The following TTLL4 variants were observed in gnomAD, a reference collection of about 807,000 sequenced individuals.
The protein encoded by TTLL4 is tubulin monoglutamylase TTLL4.
A neutral mutation model predicts 122.7 loss-of-function variants in TTLL4; 85 were observed. That is an observed-to-expected ratio of 0.69 (90% CI 0.58 to 0.83). TTLL4 has a LOEUF of 0.83. TTLL4 is among the 40% of genes least tolerant of loss of function. The pLI, the probability that TTLL4 is intolerant of heterozygous loss-of-function variation, is 0.00. For synonymous variants in TTLL4, 553 were observed against 563.0 expected, an observed-to-expected ratio of 0.98 and a Z score of 0.25; for missense variants, 1,363 against 1,488.6, an observed-to-expected ratio of 0.92 and a Z score of 1.39.
At chr2:218,716,793 GA>G (rs1181400310) in intron 1 of TTLL4, among the ~76,000 whole-genome samples, 1 of 149,168 alleles carries the variant, frequency 6.7e-6, no homozygotes, top group Non-Finnish European at 1.5e-5. Flanking sequence ...GTCTCAAAAA[GA>G]AAAAAAAAAT....
At chr2:218,728,259 A>G (rs1312084327) in intron 2 of TTLL4, among the ~76,000 whole-genome samples, 1 of 152,222 alleles carries the variant, frequency 6.6e-6, no homozygotes, top group East Asian at 1.9e-4. Flanking sequence ...AAATAATTAT[A>G]TAACTCACCA....
At chr2:218,715,594 A>G (rs1478537143) in intron 1 of TTLL4, among the ~76,000 whole-genome samples, 1 of 152,212 alleles carries the variant, frequency 6.6e-6, no homozygotes, top group South Asian at 2.1e-4. Flanking sequence ...ACATTGAAGC[A>G]TAGAAAAGGC....
At chr2:218,723,511 A>C (rs752180927) in intron 1 of TTLL4, among the ~76,000 whole-genome samples, 50 of 152,194 alleles carry the variant, frequency 3.3e-4, no homozygotes, top group Admixed American at 2.0e-3. Context: ...CTTGAGCCAG[A>C]GTTTACAAAT....
rs1942973259 is a variant in TTLL4 at position 218,750,016 on chromosome 2, T to C, written c.2743T>C (p.Ser915Pro). The change falls in exon 15 of 20, where the codon TCC becomes CCC. Residue 915 changes from serine to proline, a missense_variant. Around this residue, in one of 3 missense-constraint regions of TTLL4, gnomAD observed 596 missense variants for 655.8 expected, o/e 0.91. Transcript: ENST00000392102. ...LEVNISPSLH[S>P]SSPLDISIKG... Reference sequence around the variant, plus strand: ...TTTATCCTTTTTCTGAAGCCTCCACTCCAGCTCTCCACTGGATATCAGCAT... The same window carrying C: ...TTTATCCTTTTTCTGAAGCCTCCACCCCAGCTCTCCACTGGATATCAGCAT... 3 of 1,614,016 alleles carry C rather than the reference T, an allele frequency of 1.9e-6. No homozygotes were observed. The highest frequency in any genetic ancestry group is 1.7e-6 in the Non-Finnish European group (2 of 1,179,958).
chr2:218,714,394 C>T (rs531949371), intron 1 of TTLL4, among the ~76,000 whole-genome samples: 1 of 152,200 alleles, frequency 6.6e-6, no homozygotes, highest in African/African-American at 2.4e-5. Flanking sequence ...TCACTAGATT[C>T]CTTCTATGAC....
Position 218,747,966 on chromosome 2 carries a change from C to G in TTLL4, c.2379-139C>G. ...GGTTTTTCAGAACTTTGCCAGTAGA[C>G]ACACTTCTCAGGCTCTTGTGGCTAT... On this transcript the variant is annotated intron_variant, in intron 11 of 19. Transcript: ENST00000392102. The surrounding 1 kb of genome is among the most constrained non-coding windows in gnomAD (Gnocchi z 4.7). The G allele has an allele frequency of 7.8e-7, 1 of 1,274,972 alleles. No individual in the cohort carries two copies. Among genetic ancestry groups the G allele is most frequent in the Non-Finnish European group, 1.1e-6 (1 of 911,344 alleles). The allele number at this position is 1,274,972 out of a possible 1,614,324, so 79.0% of individuals were successfully genotyped here. A position where few individuals can be genotyped will look rare whatever the true frequency, so the allele number is the denominator to read the frequency against.
intron 5 of TTLL4, among the ~76,000 whole-genome samples, chr2:218,741,206 G>A (rs1079177): frequency 0.5 from 75,597 of 151,942 alleles, 19,540 homozygotes; most frequent in African/African-American, 0.61. Context: ...GCTGGCTAAC[G>A]TGGTGAAACC....
intron 1 of TTLL4, among the ~76,000 whole-genome samples, chr2:218,711,480 A>C (rs1941702912): frequency 1.3e-5 from 2 of 152,204 alleles, no homozygotes; most frequent in African/African-American, 2.4e-5. Context: ...ATACGTTCCT[A>C]AACTCCACAG....
rs375574702 is a variant in TTLL4, at chr2:218,738,532, G to A, written c.856G>A (p.Ala286Thr). ...CCCAGCTGATGCCAGTGCCCATATC[G>A]CCTTGTCTACCGCTAGCTCCCACGA... Reference protein sequence around the residue: ...TVPADASAHIALSTASSHDTS... With the variant: ...TVPADASAHITLSTASSHDTS... Residue 286 changes from alanine (A) to threonine (T), a missense_variant, in exon 3 of 20, where the codon GCC becomes ACC. Coordinates refer to ENST00000392102, the MANE Select transcript of TTLL4 (RefSeq NM_014640.5). 3.7e-6 allele frequency: 6 copies of A among 1,614,088 alleles called. No homozygotes were observed. The highest frequency in any genetic ancestry group is 2.2e-5 in the East Asian group (1 of 44,876).
intron 12 of TTLL4, 91 bp downstream of exon 12, chr2:218,748,318 G>C: frequency 6.5e-7 from 1 of 1,538,626 alleles, no homozygotes; most frequent in South Asian, 1.2e-5. Flanking sequence ...GGCGAGTGGA[G>C]GATTAATATA....
chr2:218,751,878 A>G, intron 16 of TTLL4, 72 bp downstream of exon 16: 1 of 982,444 alleles, frequency 1.0e-6, no homozygotes, highest in Non-Finnish European at 1.5e-6. Context: ...CCAAAAGCAA[A>G]CAGCTTTTCT....
At chr2:218,735,584 CCT>C (rs1358244777) in intron 2 of TTLL4, among the ~76,000 whole-genome samples, 1 of 152,044 alleles carries the variant, frequency 6.6e-6, no homozygotes, top group Non-Finnish European at 1.5e-5. Flanking sequence ...CAAAACAAAA[CCT>C]CTCTGCAAAT....
chr2:218,724,596 G>T (rs1046748597), intron 1 of TTLL4, among the ~76,000 whole-genome samples: 16 of 152,166 alleles, frequency 1.1e-4, no homozygotes, highest in African/African-American at 3.1e-4. Context: ...TGCTGCAAAT[G>T]ATGGGAGTTC....
chr2:218,738,322 A>G lies in TTLL4; in HGVS notation c.646A>G (p.Met216Val), dbSNP rs926580909. Residue 216 changes from methionine to valine, a missense_variant, in exon 3 of 20, where the codon ATG (methionine) becomes GTG (valine). Coordinates refer to ENST00000392102, the MANE Select transcript of TTLL4 (RefSeq NM_014640.5). ...TCCACTCTCTTCCTCCTATAAGCCC[A>G]TGCTGAATAATAATTCCTTCATGTG... is the stretch of plus-strand genomic sequence containing the variant. ...PSPLSSSYKP[M>V]LNNNSFMWPN... The G allele has an allele frequency of 2.5e-6, 4 of 1,613,954 alleles. No individual in the cohort carries two copies. Among genetic ancestry groups the G allele is most frequent in the Admixed American group, 1.7e-5 (1 of 60,008 alleles).
intron 2 of TTLL4, 38 bp from the exon 3 acceptor site, chr2:218,737,541 G>C (rs1314507853): frequency 6.6e-6 from 7 of 1,057,976 alleles, no homozygotes; most frequent in Non-Finnish European, 9.5e-6. Flanking sequence ...CCGTTCTCCT[G>C]GCACTGTAAC....
chr2:218,736,422 C>T (rs1489347112), intron 2 of TTLL4: 1 of 152,202 alleles, frequency 6.6e-6, no homozygotes, highest in Non-Finnish European at 1.5e-5. Context: ...GGCTGGCTTA[C>T]AGGTTTTGTA....
chr2:218,724,755 C>G (rs1327309182), intron 1 of TTLL4, among the ~76,000 whole-genome samples: 1 of 151,912 alleles, frequency 6.6e-6, no homozygotes, highest in Non-Finnish European at 1.5e-5. Flanking sequence ...TTTGTAACTC[C>G]TCTTTCTTAC....
At chr2:218,752,231 C>T (rs991856356) in intron 16 of TTLL4, among the ~76,000 whole-genome samples, 2 of 152,134 alleles carry the variant, frequency 1.3e-5, no homozygotes, top group South Asian at 2.1e-4. Context: ...CTTAAGAGCA[C>T]GGTTTCTTAA....
intron 2 of TTLL4, among the ~76,000 whole-genome samples, chr2:218,728,634 T>C (rs1242121538): frequency 2.0e-5 from 3 of 151,868 alleles, no homozygotes; most frequent in Non-Finnish European, 4.4e-5. Context: ...ATGGAGGAGG[T>C]CCCAAATGGT....
Sources: allele counts gnomAD v4.1 joint callset (sites outside exome capture counted in the v4.1 genomes callset), GRCh38; gene constraint gnomAD v4.1.1; regional missense constraint gnomAD v4.1.1; non-coding constraint Gnocchi (gnomAD v3.1); transcripts MANE v1.5; gene names NCBI Gene and HGNC (gene_info 2026-07-23, HGNC 2026-07-21).